CACNG4: variants seen among roughly 807,000 people sequenced by gnomAD.
CACNG4 encodes calcium voltage-gated channel auxiliary subunit gamma 4, also known as voltage-dependent calcium channel gamma-4 subunit.
A neutral mutation model predicts 22.9 loss-of-function variants in CACNG4; 8 were observed. The ratio of observed to expected loss-of-function variants is 0.35; its 90% confidence interval spans 0.21 to 0.63. CACNG4 has a LOEUF of 0.63. CACNG4 is among the 30% of genes least tolerant of loss of function. The pLI is 0.72. For missense variants in CACNG4, 357 were observed against 455.4 expected, an observed-to-expected ratio of 0.78 and a Z score of 1.97; for synonymous variants, 188 against 191.9, an observed-to-expected ratio of 0.98 and a Z score of 0.17.
chr17:66,969,571 A>G (rs994649985), intron 1 of CACNG4, among the ~76,000 whole-genome samples: 3 of 152,140 alleles, frequency 2.0e-5, no homozygotes, highest in South Asian at 4.1e-4. Flanking sequence ...CTTGCACACC[A>G]GTGTACCCAA....
chr17:66,981,574 G>A (rs1225131056), intron 1 of CACNG4, among the ~76,000 whole-genome samples: 1 of 152,170 alleles, frequency 6.6e-6, no homozygotes, highest in African/African-American at 2.4e-5. Flanking sequence ...GGGGGTGCTG[G>A]GGCCGAGAGA....
intron 1 of CACNG4, among the ~76,000 whole-genome samples, chr17:67,012,217 T>C (rs1339961282): frequency 6.6e-6 from 1 of 152,200 alleles, no homozygotes; most frequent in Admixed American, 6.5e-5. Context: ...TTCTGTCAAA[T>C]GGAGCAGAGA....
chr17:67,031,013 C>A lies in CACNG4; in HGVS notation c.*9C>A. The A allele has an allele frequency of 6.2e-7, 1 of 1,603,076 alleles. No homozygotes were observed. Among genetic ancestry groups the A allele is most frequent in the South Asian group, 1.1e-5 (1 of 89,650 alleles). ...GGACGACCCCTGTGTGAGCCGCCTG[C>A]CCTTTCTCTCCGCTCCAGCCTCTCC... On this transcript the variant is annotated 3_prime_UTR_variant, in exon 4 of 4. Coordinates refer to ENST00000262138, the MANE Select transcript of CACNG4 (RefSeq NM_014405.4). This position sits in a 1 kb window ranked among gnomAD's most constrained non-coding sequence, Gnocchi z 4.0.
rs375444145 is a variant in CACNG4 at position 66,990,265 on chromosome 17, G to A, written c.220+25134G>A. ...CATCAGCCAGGACTTCTCAGCTCCT[G>A]GGAACTACCCACAGTCCTTGCCACG... On this transcript the variant is annotated intron_variant, in intron 1 of 3. Coordinates refer to ENST00000262138, the MANE Select transcript of CACNG4 (RefSeq NM_014405.4). 8.5e-5 allele frequency among the ~76,000 whole-genome samples: 13 copies of A among 152,302 alleles called. No individual in the cohort carries two copies. In the East Asian group the frequency reaches 1.7e-3, roughly 20 times the overall value.
intron 1 of CACNG4, among the ~76,000 whole-genome samples, chr17:67,012,501 G>T (rs551885263): frequency 4.9e-4 from 75 of 152,264 alleles, no homozygotes; most frequent in African/African-American, 1.7e-3. Context: ...TGATCACCTG[G>T]CTTGGTCCTG....
chr17:66,982,985 G>A (rs1186677922), intron 1 of CACNG4, among the ~76,000 whole-genome samples: 1 of 150,292 alleles, frequency 6.7e-6, no homozygotes, highest in African/African-American at 2.5e-5. Flanking sequence ...TGGTGTAGAT[G>A]CAGAAACTGA....
Position 67,030,969 on chromosome 17 carries a change from G to A in CACNG4, c.949G>A (p.Val317Ile), listed in dbSNP as rs762818108. 132 of 1,613,532 alleles carry A rather than the reference G, an allele frequency of 8.2e-5. No individual in the cohort carries two copies. The highest frequency in any genetic ancestry group is 1.1e-4 in the Non-Finnish European group (126 of 1,179,794). ...FQQDLKEGFH[V>I]SMLNRRTTPV ...GCAGGACCTGAAGGAAGGTTTCCAC[G>A]TCAGCATGCTGAACCGACGGACGAC... Residue 317 changes from valine (V) to isoleucine (I), a missense_variant, in exon 4 of 4, where the codon GTC becomes ATC. By Grantham distance (29) the Val-to-Ile change is conservative. This residue lies in a region of CACNG4 where 240 missense variants were observed against 277.6 expected (regional missense o/e 0.86). Transcript: ENST00000262138. This position sits in a 1 kb window ranked among gnomAD's most constrained non-coding sequence, Gnocchi z 6.4.
rs2035600259 is a variant in CACNG4, at chr17:67,030,814, T to A, written c.794T>A (p.Ile265Asn). 1.9e-6 allele frequency: 3 copies of A among 1,613,724 alleles called. No homozygotes were observed. The highest frequency in any genetic ancestry group is 3.3e-5 in the Admixed American group (2 of 59,982). ...SRDVSPMGLK[I>N]TGAIPMGELS... ...GACGTGTCGCCCATGGGCCTGAAGA[T>A]CACAGGGGCCATCCCCATGGGGGAG... The change falls in exon 4 of 4, where the codon ATC (isoleucine) becomes AAC (asparagine). Residue 265 changes from isoleucine to asparagine, a missense_variant. By Grantham distance (149) the Ile-to-Asn change is moderately radical (BLOSUM62 -3). Around this residue, in one of 3 missense-constraint regions of CACNG4, gnomAD observed 240 missense variants for 277.6 expected, o/e 0.86. Transcript: ENST00000262138. This position sits in a 1 kb window ranked among gnomAD's most constrained non-coding sequence, Gnocchi z 6.4.
At chr17:66,983,000 C>T (rs772074713) in intron 1 of CACNG4, among the ~76,000 whole-genome samples, 3 of 151,662 alleles carry the variant, frequency 2.0e-5, no homozygotes, top group African/African-American at 4.9e-5. Context: ...AACTGAGGCA[C>T]GGGGAAGTTA....
intron 1 of CACNG4, among the ~76,000 whole-genome samples, chr17:66,988,875 G>A (rs1161330574): frequency 1.3e-5 from 2 of 151,978 alleles, no homozygotes; most frequent in African/African-American, 4.8e-5. Flanking sequence ...CCTGACCAAC[G>A]TGGTGAAACC....
intron 1 of CACNG4, among the ~76,000 whole-genome samples, chr17:67,011,359 C>T (rs557145090): frequency 4.6e-4 from 70 of 152,312 alleles, no homozygotes; most frequent in Middle Eastern, 3.4e-3. Context: ...GGACTCCACA[C>T]CTTCATCATC....
chr17:67,022,417 C>A (rs2035537486), intron 2 of CACNG4, among the ~76,000 whole-genome samples: 1 of 152,172 alleles, frequency 6.6e-6, no homozygotes, highest in Non-Finnish European at 1.5e-5. Flanking sequence ...CTGACCTCAA[C>A]TTTTCTGGCC....
chr17:66,990,782 A>G (rs2035335348), intron 1 of CACNG4, among the ~76,000 whole-genome samples: 1 of 151,784 alleles, frequency 6.6e-6, no homozygotes. Context: ...ACGGATTCAC[A>G]CCATTCACCT....
At chr17:66,999,805 A>G (rs561198122) in intron 1 of CACNG4, among the ~76,000 whole-genome samples, 1 of 152,340 alleles carries the variant, frequency 6.6e-6, no homozygotes, top group South Asian at 2.1e-4. Context: ...GGGTCAAACC[A>G]TATCAACTGG....
intron 1 of CACNG4, among the ~76,000 whole-genome samples, chr17:66,999,281 G>T (rs193185918): frequency 2.1e-4 from 32 of 151,470 alleles, no homozygotes; most frequent in Middle Eastern, 3.4e-3. Flanking sequence ...AGAGTTGGTG[G>T]TGGTGGTGGT....
At chr17:67,025,653 G>C (rs1314784277) in intron 3 of CACNG4, among the ~76,000 whole-genome samples, 4 of 152,278 alleles carry the variant, frequency 2.6e-5, no homozygotes, top group Non-Finnish European at 4.4e-5. Flanking sequence ...TCCCCGGAAA[G>C]TGCCATCGGG....
rs1311961951 is a variant in CACNG4, at chr17:66,965,115, G to C, written c.204G>C (p.Arg68=). Residue 68 remains arginine (R), a synonymous_variant, in exon 1 of 4, where the codon CGG becomes CGC. Transcript: ENST00000262138. ...ACCTCACCCACTCTGGTCTGTGGCG[G>C]GTGTGCTGCATCGAAGGTACGGCCA... The part of the protein sequence containing the change: ...RGDLTHSGLW[R]VCCIEGIYKG... 6.3e-7 allele frequency: 1 copy of C among 1,583,264 alleles called. No homozygotes were observed. Among genetic ancestry groups the C allele is most frequent in the Non-Finnish European group, 8.6e-7 (1 of 1,167,140 alleles).
Position 67,031,921 on chromosome 17 carries a change from C to T in CACNG4, c.*917C>T, listed in dbSNP as rs1181799330. The T allele has an allele frequency of 1.3e-5, 6 of 456,590 alleles. No homozygotes were observed. The East Asian group carries it at 4.2e-4, about 32-fold the overall frequency. 28.3% of individuals were successfully genotyped at this position (456,590 alleles called of 1,614,324 possible). A position where few individuals can be genotyped will look rare whatever the true frequency, so the allele number is the denominator to read the frequency against. ...ACACCTCCCTCCAACTGGCATTTGG[C>T]AACAGGAGCCTGGACTTCTGTGCAA... On this transcript the variant is annotated 3_prime_UTR_variant, in exon 4 of 4. Coordinates refer to ENST00000262138, the MANE Select transcript of CACNG4 (RefSeq NM_014405.4). The surrounding 1 kb of genome is among the most constrained non-coding windows in gnomAD (Gnocchi z 4.0).
chr17:67,031,071 A>G lies in CACNG4; in HGVS notation c.*67A>G, dbSNP rs1458208246. 4 of 1,504,314 alleles carry G rather than the reference A, an allele frequency of 2.7e-6. No homozygotes were observed. The highest frequency in any genetic ancestry group is 1.9e-5 in the Admixed American group (1 of 51,706). The allele number at this position is 1,504,314 out of a possible 1,614,324, so 93.2% of individuals were successfully genotyped here. A position where few individuals can be genotyped will look rare whatever the true frequency, so the allele number is the denominator to read the frequency against. ...GGCTCTTTTTGTCACACAGGATGGC[A>G]TGTGATCCTCAAGACGACGAACAAT... is the stretch of plus-strand genomic sequence containing the variant. On this transcript the variant is annotated 3_prime_UTR_variant, in exon 4 of 4. Coordinates refer to ENST00000262138, the MANE Select transcript of CACNG4 (RefSeq NM_014405.4). This position sits in a 1 kb window ranked among gnomAD's most constrained non-coding sequence, Gnocchi z 4.0.
Sources: gnomAD v4.1 joint callset for allele counts (sites outside exome capture counted in the v4.1 genomes callset) on GRCh38, gnomAD v4.1.1 for gene constraint, gnomAD v4.1.1 regional missense constraint, Gnocchi (gnomAD v3.1) non-coding constraint, MANE v1.5 for transcripts, NCBI Gene and HGNC (gene_info 2026-07-23, HGNC 2026-07-21) for gene names.